STXBP4: variants seen among roughly 807,000 people sequenced by gnomAD.
STXBP4 encodes syntaxin-binding protein 4.
In STXBP4, 55 loss-of-function variants were observed where a neutral mutation model predicts 76.1. That is an observed-to-expected ratio of 0.72 (90% CI 0.58 to 0.91). The LOEUF (loss-of-function observed/expected upper bound fraction) is 0.91. Ranked by LOEUF, STXBP4 falls within the 40% of genes least tolerant of loss-of-function variation. The pLI is 0.00. For synonymous variants in STXBP4, 201 were observed against 220.2 expected (o/e 0.91, Z 0.77); for missense variants, 618 against 636.9 (o/e 0.97, Z 0.32).
At chr17:55,107,261 C>T (rs2079646985) in intron 16 of STXBP4, among the ~76,000 whole-genome samples, 1 of 152,098 alleles carries the variant, frequency 6.6e-6, no homozygotes, top group African/African-American at 2.4e-5. Flanking sequence ...TCATGAAGTT[C>T]TCGTGCTGTG....
chr17:55,129,952 C>T (rs1381511514), intron 16 of STXBP4, among the ~76,000 whole-genome samples: 3 of 152,090 alleles, frequency 2.0e-5, no homozygotes, highest in African/African-American at 4.8e-5. Context: ...AAATCTGAAT[C>T]TCGAAATCAG....
the STXBP4 span, among the ~76,000 whole-genome samples, chr17:55,197,593 A>AG: frequency 3.3e-5 from 5 of 152,102 alleles, no homozygotes; most frequent in South Asian, 2.1e-4. Context: ...AATCAAAAAA[A>AG]TCAGCCAGGC....
chr17:55,032,997 A>T (rs1237742996), intron 9 of STXBP4, among the ~76,000 whole-genome samples: 1 of 152,172 alleles, frequency 6.6e-6, no homozygotes, highest in Non-Finnish European at 1.5e-5. Context: ...AAATCCTCCA[A>T]CATAAAATAT....
chr17:55,051,625 G>T (rs1252746384), intron 12 of STXBP4, among the ~76,000 whole-genome samples: 20 of 152,092 alleles, frequency 1.3e-4, no homozygotes, highest in Admixed American at 9.2e-4. Flanking sequence ...GGGTGTGATG[G>T]TATGCATCTA....
intron 1 of STXBP4, among the ~76,000 whole-genome samples, chr17:54,983,335 T>C (rs983190059): frequency 6.6e-6 from 1 of 152,212 alleles, no homozygotes; most frequent in African/African-American, 2.4e-5. Context: ...GTATATTATA[T>C]GGAATCTATT....
chr17:55,142,364 G>T (rs1455837632), intron 17 of STXBP4, among the ~76,000 whole-genome samples: 1 of 152,128 alleles, frequency 6.6e-6, no homozygotes, highest in Non-Finnish European at 1.5e-5. Context: ...TATGCATTTT[G>T]GGAGGAAAAG....
chr17:54,973,724 C>A (rs1435646405), intron 1 of STXBP4, among the ~76,000 whole-genome samples: 1 of 152,134 alleles, frequency 6.6e-6, no homozygotes, highest in Non-Finnish European at 1.5e-5. Context: ...TGGATTATAC[C>A]ATGAATGGAA....
At chr17:55,003,897 T>G (rs1397829087) in intron 7 of STXBP4, among the ~76,000 whole-genome samples, 2 of 151,932 alleles carry the variant, frequency 1.3e-5, no homozygotes, top group African/African-American at 4.8e-5. Context: ...TGCAGCCAGG[T>G]GCGGTGGCTC....
Position 55,000,811 on chromosome 17 carries a change from A to G in STXBP4, c.502A>G (p.Lys168Glu), listed in dbSNP as rs773587904. ...TGTTCCTCATTTTCTTTCACAGATA[A>G]AAACTGGATACAACAAAACAGTACA... ...NNDILSSCEI[K>E]TGYNKTVQIP... Residue 168 changes from lysine (K) to glutamate (E), a missense_variant, in exon 7 of 18, where the codon AAA becomes GAA. Physicochemically the swap from Lys to Glu is moderately conservative, Grantham distance 56. Coordinates refer to ENST00000376352, the MANE Select transcript of STXBP4 (RefSeq NM_178509.6). 6.2e-7 allele frequency: 1 copy of G among 1,607,598 alleles called. No individual in the cohort carries two copies. Among genetic ancestry groups the G allele is most frequent in the Non-Finnish European group, 8.5e-7 (1 of 1,174,572 alleles).
chr17:54,999,539 A>G (rs1341580062), intron 5 of STXBP4, 88 bp downstream of exon 5: 32 of 1,442,156 alleles, frequency 2.2e-5, no homozygotes, highest in Non-Finnish European at 2.7e-5. Flanking sequence ...ACTTTATAAT[A>G]AGTATTTTTT....
intron 16 of STXBP4, among the ~76,000 whole-genome samples, chr17:55,135,417 A>G (rs1428529448): frequency 6.6e-6 from 1 of 152,130 alleles, no homozygotes; most frequent in Non-Finnish European, 1.5e-5. Flanking sequence ...TAAAACAATC[A>G]AGTCACAGAT....
At chr17:55,098,918 C>G (rs2079530077) in intron 16 of STXBP4, among the ~76,000 whole-genome samples, 3 of 152,272 alleles carry the variant, frequency 2.0e-5, no homozygotes, top group Admixed American at 2.0e-4. Context: ...TAGAACAGTG[C>G]CTGGTACCTG....
intron 12 of STXBP4, among the ~76,000 whole-genome samples, chr17:55,048,533 A>C (rs2078820418): frequency 6.6e-6 from 1 of 151,844 alleles, no homozygotes; most frequent in Non-Finnish European, 1.5e-5. Context: ...TCCATACTCA[A>C]GGGAATTTCC....
chr17:55,187,958 A>C, the STXBP4 span, among the ~76,000 whole-genome samples: 1 of 152,226 alleles, frequency 6.6e-6, no homozygotes, highest in Non-Finnish European at 1.5e-5. Flanking sequence ...CGAACTCTAC[A>C]TGCATTATCT....
rs182344809 is a variant in STXBP4, at chr17:55,141,449, C to T, written c.1547+82C>T. ...GGAAGTTGCAGAATAATCAGCAAAACTAAGAAACCTTCTTGGAGGTTACAA... is the reference window on the plus strand; with the variant it reads ...GGAAGTTGCAGAATAATCAGCAAAATTAAGAAACCTTCTTGGAGGTTACAA... On this transcript the variant is annotated intron_variant, in intron 17 of 17. Transcript: ENST00000376352. 106 of 1,204,404 alleles carry T rather than the reference C, an allele frequency of 8.8e-5. No individual in the cohort carries two copies. The East Asian group carries it at 2.2e-3, about 25-fold the overall frequency. The allele number at this position is 1,204,404 out of a possible 1,614,324, so 74.6% of individuals were successfully genotyped here.
the STXBP4 span, among the ~76,000 whole-genome samples, chr17:55,179,631 C>T: frequency 6.6e-6 from 1 of 152,170 alleles, no homozygotes; most frequent in African/African-American, 2.4e-5. Flanking sequence ...TTTTCCTCCT[C>T]TTCCTCTTCC....
intron 9 of STXBP4, among the ~76,000 whole-genome samples, chr17:55,033,131 T>C (rs1276899901): frequency 6.6e-6 from 1 of 152,074 alleles, no homozygotes; most frequent in Non-Finnish European, 1.5e-5. Flanking sequence ...CCCAGCACTT[T>C]AGGAGGCCAA....
At chr17:55,074,410 A>C (rs1309436081) in intron 13 of STXBP4, among the ~76,000 whole-genome samples, 2 of 152,160 alleles carry the variant, frequency 1.3e-5, no homozygotes, top group African/African-American at 4.8e-5. Flanking sequence ...CATATTTGTT[A>C]TTTGTGACCT....
chr17:55,192,691 T>A, the STXBP4 span, among the ~76,000 whole-genome samples: 1 of 152,212 alleles, frequency 6.6e-6, no homozygotes, highest in African/African-American at 2.4e-5. Context: ...GGATTACTCA[T>A]TTAGTGCTCA....
Sources: gnomAD v4.1 joint callset for allele counts (sites outside exome capture counted in the v4.1 genomes callset) on GRCh38, gnomAD v4.1.1 for gene constraint, MANE v1.5 for transcripts, NCBI Gene and HGNC (gene_info 2026-07-23, HGNC 2026-07-21) for gene names.